PLXNA2: variants seen among roughly 807,000 people sequenced by gnomAD.
PLXNA2 encodes plexin-A2.
Under a neutral mutation model 193.5 loss-of-function variants are expected in PLXNA2, and 91 were observed. The observed-to-expected ratio is 0.47, with a 90% CI of 0.40 to 0.56. The LOEUF is 0.56. Ranked by LOEUF, PLXNA2 falls within the 20% of genes least tolerant of loss-of-function variation. The pLI is 0.00. For missense variants in PLXNA2, 1,995 were observed against 2,503.2 expected, an observed-to-expected ratio of 0.80 and a Z score of 4.33; for synonymous variants, 997 against 1,027.3, an observed-to-expected ratio of 0.97 and a Z score of 0.56.
At position 208,060,611 on chromosome 1, in the gene PLXNA2, G is replaced by A. The variant is rs1014978584; in HGVS notation, c.2738+75C>T. 6.3e-6 allele frequency: 9 copies of A among 1,420,992 alleles called. No homozygotes were observed. The African/African-American group carries it at 1.3e-4, about 20-fold the overall frequency. 88.0% of individuals were successfully genotyped at this position (1,420,992 alleles called of 1,614,324 possible). ...GGAGATCAATCATGGAAAAGGCCCA[G>A]GAAGGGAGAGGGGAGAGTCTCCAGT... On this transcript the variant is annotated intron_variant, in intron 13 of 31. Coordinates refer to ENST00000367033, the MANE Select transcript of PLXNA2 (RefSeq NM_025179.4).
intron 1 of PLXNA2, among the ~76,000 whole-genome samples, chr1:208,239,491 A>G (rs1208081004): frequency 6.6e-6 from 1 of 152,112 alleles, no homozygotes; most frequent in Non-Finnish European, 1.5e-5. Flanking sequence ...ATCTTGATCT[A>G]CATCTTCCAT....
chr1:208,233,669 T>C (rs1671761641), intron 1 of PLXNA2, among the ~76,000 whole-genome samples: 1 of 152,258 alleles, frequency 6.6e-6, no homozygotes, highest in Admixed American at 6.5e-5. Flanking sequence ...CTTGTGAGAC[T>C]GGAGCTCTCT....
chr1:208,095,303 T>A (rs1475303144), intron 8 of PLXNA2, among the ~76,000 whole-genome samples: 4 of 152,166 alleles, frequency 2.6e-5, no homozygotes, highest in African/African-American at 9.7e-5. Context: ...TCCCTCCATT[T>A]CTGCTTTTTC....
chr1:208,224,290 G>A (rs560914649), intron 1 of PLXNA2, among the ~76,000 whole-genome samples: 9 of 139,420 alleles, frequency 6.5e-5, no homozygotes, highest in Middle Eastern at 3.8e-3. Context: ...CTCTGATGGC[G>A]TCTATAATAT....
chr1:208,212,724 C>T (rs910717151), intron 2 of PLXNA2, among the ~76,000 whole-genome samples: 8 of 152,342 alleles, frequency 5.3e-5, no homozygotes, highest in South Asian at 2.1e-4. Context: ...GAGCCAACCA[C>T]GGGAATTCTA....
At chr1:208,106,397 C>T (rs1209947549) in intron 4 of PLXNA2, among the ~76,000 whole-genome samples, 1 of 152,210 alleles carries the variant, frequency 6.6e-6, no homozygotes, top group Non-Finnish European at 1.5e-5. Context: ...ACAACTAGCA[C>T]CTTCAAGTTG....
intron 11 of PLXNA2, among the ~76,000 whole-genome samples, chr1:208,080,465 C>A (rs759880609): frequency 7.9e-5 from 12 of 152,120 alleles, no homozygotes; most frequent in Non-Finnish European, 1.3e-4. Context: ...AAGCAAAACA[C>A]GTAAAAGTCA....
At chr1:208,033,148 G>A (rs1363936121) in intron 28 of PLXNA2, among the ~76,000 whole-genome samples, 171 bp downstream of exon 28, 1 of 150,698 alleles carries the variant, frequency 6.6e-6, no homozygotes, top group Non-Finnish European at 1.5e-5. Context: ...CTTCTGCCTT[G>A]GCCTCCCAAA....
chr1:208,231,695 A>T (rs28374931), intron 1 of PLXNA2, among the ~76,000 whole-genome samples: 1 of 152,126 alleles, frequency 6.6e-6, no homozygotes, highest in Non-Finnish European at 1.5e-5. Context: ...CCCTTACTCA[A>T]GCTGGTGAGG....
chr1:208,037,172 G>A (rs1664695647), intron 26 of PLXNA2, among the ~76,000 whole-genome samples: 1 of 152,134 alleles, frequency 6.6e-6, no homozygotes, highest in South Asian at 2.1e-4. Context: ...GGAGCCCAAG[G>A]TGCAGAGAGA....
At chr1:208,049,830 T>G (rs1454939039) in intron 17 of PLXNA2, among the ~76,000 whole-genome samples, 1 of 152,200 alleles carries the variant, frequency 6.6e-6, no homozygotes, top group Admixed American at 6.5e-5. Flanking sequence ...CCTGGAAATG[T>G]GTCAGGGGTA....
intron 2 of PLXNA2, among the ~76,000 whole-genome samples, chr1:208,211,755 C>G (rs1044841810): frequency 2.6e-5 from 4 of 151,710 alleles, no homozygotes; most frequent in Non-Finnish European, 5.9e-5. Context: ...ATCCCCTGTT[C>G]TGCTACTAAC....
At position 208,051,491 on chromosome 1, in the gene PLXNA2, C is replaced by T. The variant is rs997620804; in HGVS notation, c.2994-68G>A. ...CAACAAGAGGTGCCCACTGGCTTGA[C>T]AAGGGGCTTTCCTTGGTCTGCGGGT... On this transcript the variant is annotated intron_variant, in intron 15 of 31. Transcript: ENST00000367033. 1.1e-5 allele frequency: 15 copies of T among 1,366,426 alleles called. No individual in the cohort carries two copies. The African/African-American group carries it at 1.8e-4, about 16-fold the overall frequency. 84.6% of individuals were successfully genotyped at this position (1,366,426 alleles called of 1,614,324 possible).
intron 14 of PLXNA2, among the ~76,000 whole-genome samples, chr1:208,053,746 G>A (rs1220693071): frequency 1.3e-5 from 2 of 152,184 alleles, no homozygotes; most frequent in Admixed American, 6.5e-5. Flanking sequence ...GCCCTGGGTG[G>A]CTCCAGGGCC....
intron 1 of PLXNA2, among the ~76,000 whole-genome samples, chr1:208,219,945 C>T (rs765379409): frequency 8.5e-5 from 13 of 152,182 alleles, no homozygotes; most frequent in Non-Finnish European, 1.6e-4. Context: ...GTCCTGAGGC[C>T]GGTAGCAGGA....
At chr1:208,137,514 A>G (rs539802987) in intron 4 of PLXNA2, among the ~76,000 whole-genome samples, 1 of 152,226 alleles carries the variant, frequency 6.6e-6, no homozygotes, top group Non-Finnish European at 1.5e-5. Context: ...TCCATTACAC[A>G]CTGAGGATAT....
rs1255680621 is a variant in PLXNA2 at position 208,027,162 on chromosome 1, C to T, written c.*81G>A. 3.2e-6 allele frequency: 4 copies of T among 1,252,178 alleles called. No homozygotes were observed. The highest frequency in any genetic ancestry group is 4.6e-6 in the Non-Finnish European group (4 of 863,160). The allele number at this position is 1,252,178 out of a possible 1,614,324, so 77.6% of individuals were successfully genotyped here. A position where few individuals can be genotyped will look rare whatever the true frequency, so the allele number is the denominator to read the frequency against. ...ACAGCAAGCTCTGGGGCCTGATCCC[C>T]ATCACTTGTCCTTCCATCTGAGACT... On this transcript the variant is annotated 3_prime_UTR_variant, in exon 32 of 32. Coordinates refer to ENST00000367033, the MANE Select transcript of PLXNA2 (RefSeq NM_025179.4).
At chr1:208,043,253 G>C (rs759175066) in intron 20 of PLXNA2, 50 bp from the exon 21 acceptor site, 1 of 1,586,644 alleles carries the variant, frequency 6.3e-7, no homozygotes, top group Admixed American at 1.7e-5. Context: ...CCAGTCGGGG[G>C]AGGAGAAAGA....
intron 4 of PLXNA2, among the ~76,000 whole-genome samples, chr1:208,137,039 G>A (rs1333406207): frequency 1.3e-5 from 2 of 152,158 alleles, no homozygotes; most frequent in East Asian, 1.9e-4. Context: ...TACTTAGTAA[G>A]TGTCTATGGA....
Sources: allele counts gnomAD v4.1 joint callset (sites outside exome capture counted in the v4.1 genomes callset), GRCh38; gene constraint gnomAD v4.1.1; transcripts MANE v1.5; gene names NCBI Gene and HGNC (gene_info 2026-07-23, HGNC 2026-07-21).